Variants in SPATA13 observed in about 807,000 individuals in gnomAD.
The protein encoded by SPATA13 is spermatogenesis-associated protein 13.
Under a neutral mutation model 104.0 loss-of-function variants are expected in SPATA13, and 50 were observed. The observed-to-expected ratio is 0.48, with a 90% CI of 0.38 to 0.61. The LOEUF (loss-of-function observed/expected upper bound fraction) is 0.61, where lower values mean the gene tolerates loss of function less well. Among genes scored for constraint, SPATA13 ranks in the 20% least tolerant of loss-of-function variants. The pLI is 0.00. For synonymous variants in SPATA13, 606 were observed against 667.5 expected (o/e 0.91, Z 1.42); for missense variants, 1,524 against 1,690.6 (o/e 0.90, Z 1.73).
intron 2 of SPATA13, among the ~76,000 whole-genome samples, chr13:24,241,705 C>G (rs1872842770): frequency 6.6e-6 from 1 of 152,234 alleles, no homozygotes; most frequent in African/African-American, 2.4e-5. Context: ...TCCCTTGCAA[C>G]ACACACACCC....
At chr13:24,270,622 G>A (rs1874527594) in intron 4 of SPATA13, 2 of 835,752 alleles carry the variant, frequency 2.4e-6, no homozygotes, top group African/African-American at 1.7e-5. Context: ...ATTCTCTCCT[G>A]AAGTCCCCCG....
rs548231135 is a variant in SPATA13 at position 24,051,086 on chromosome 13, C to T, written c.-112+33385C>T. ...CTGTGGGAGCACCTCTTTCCTTCTC[C>T]GGATTTCCCCCACCTTTTATGAATG... On this transcript the variant is annotated intron_variant, in intron 3 of 14. Transcript: ENST00000424834. The surrounding 1 kb of genome is among the most constrained non-coding windows in gnomAD (Gnocchi z 4.2). Among the ~76,000 whole-genome samples, 2 of 152,286 alleles carry T rather than the reference C, an allele frequency of 1.3e-5. No homozygotes were observed. Among genetic ancestry groups the T allele is most frequent in the Admixed American group, 6.5e-5 (1 of 15,306 alleles).
chr13:24,262,491 G>A (rs997608999), intron 4 of SPATA13, among the ~76,000 whole-genome samples: 4 of 152,054 alleles, frequency 2.6e-5, no homozygotes, highest in African/African-American at 9.7e-5. Context: ...CAAAAGGGAG[G>A]TTACTCATAC....
chr13:24,108,411 T>C (rs1333416208), intron 3 of SPATA13, among the ~76,000 whole-genome samples: 1 of 152,148 alleles, frequency 6.6e-6, no homozygotes, highest in Admixed American at 6.5e-5. Flanking sequence ...CTGTTTATAT[T>C]TTACAATAAA....
rs763458774 is a variant in SPATA13 at position 24,223,240 on chromosome 13, C to G, written c.311C>G (p.Thr104Ser). 6.4e-7 allele frequency: 1 copy of G among 1,551,602 alleles called. No individual in the cohort carries two copies. The highest frequency in any genetic ancestry group is 8.7e-7 in the Non-Finnish European group (1 of 1,147,020). The change falls in exon 2 of 13, where the codon ACC becomes AGC. Residue 104 changes from threonine to serine, a missense_variant. Physicochemically the swap from Thr to Ser is moderately conservative, Grantham distance 58. Transcript: ENST00000382108. ...VLVGNSSTWN[T>S]LASFRKMGSF... ...GTGGGGAACTCCTCCACATGGAACA[C>G]CCTCGCCTCCTTCCGGAAAATGGGA...
chr13:24,122,004 C>A lies in SPATA13; in HGVS notation c.-111-100815C>A, dbSNP rs140199049. ...AGATAACATGAACCACTTCTGGAAC[C>A]ACTGCTAGGACGAACACAAGCTCTT... is the stretch of plus-strand genomic sequence containing the variant. On this transcript the variant is annotated intron_variant, in intron 3 of 14. Coordinates refer to the SPATA13 transcript ENST00000424834. 2,228 of 1,158,770 alleles carry A rather than the reference C, an allele frequency of 1.9e-3. 24 individuals are homozygous for A. In the African/African-American group the frequency reaches 0.03, roughly 15 times the overall value. The allele number at this position is 1,158,770 out of a possible 1,614,324, so 71.8% of individuals were successfully genotyped here.
chr13:24,119,166 C>T (rs1239201141), intron 3 of SPATA13, among the ~76,000 whole-genome samples: 1 of 152,076 alleles, frequency 6.6e-6, no homozygotes, highest in Admixed American at 6.5e-5. Context: ...CTCGGCCTCC[C>T]AAAGAGCTGG....
At chr13:24,135,704 A>AAG (rs1478081324) in intron 3 of SPATA13, among the ~76,000 whole-genome samples, 1 of 151,752 alleles carries the variant, frequency 6.6e-6, no homozygotes. Context: ...TCTCAAAAAA[A>AAG]AAAAAAAAAA....
intron 1 of SPATA13, among the ~76,000 whole-genome samples, chr13:24,211,718 A>T (rs1370423104): frequency 6.6e-6 from 1 of 151,880 alleles, no homozygotes; most frequent in East Asian, 1.9e-4. Context: ...GGATTATCTC[A>T]TCCGGTGGCA....
intron 4 of SPATA13, among the ~76,000 whole-genome samples, chr13:24,256,640 G>A (rs984711264): frequency 1.3e-5 from 2 of 151,786 alleles, no homozygotes; most frequent in African/African-American, 2.4e-5. Context: ...ACTTGGCAGC[G>A]CCGTGCTGTG....
At chr13:24,016,363 G>GT (rs1876713517) in intron 2 of SPATA13, among the ~76,000 whole-genome samples, 1 of 152,190 alleles carries the variant, frequency 6.6e-6, no homozygotes, top group South Asian at 2.1e-4. Flanking sequence ...GGATCCAGAT[G>GT]TGACATCTTC....
At position 24,223,322 on chromosome 13, in the gene SPATA13, A is replaced by G; in HGVS notation, c.393A>G (p.Ser131=). 1.3e-6 allele frequency: 2 copies of G among 1,551,488 alleles called. No homozygotes were observed. Among genetic ancestry groups the G allele is most frequent in the East Asian group, 4.9e-5 (2 of 40,894 alleles). ...VLKGIQSREG[S]NACSKGEASE... Reference sequence around the variant, plus strand: ...AAGGAATTCAGAGCCGAGAGGGGTCAAATGCCTGTTCAAAGGGAGAGGCTT... The same window carrying G: ...AAGGAATTCAGAGCCGAGAGGGGTCGAATGCCTGTTCAAAGGGAGAGGCTT... The change falls in exon 2 of 13, where the codon TCA becomes TCG. Residue 131 remains serine (S), a synonymous_variant. Coordinates refer to ENST00000382108, the MANE Select transcript of SPATA13 (RefSeq NM_001166271.3).
chr13:24,123,099 C>G (rs1313004522), intron 3 of SPATA13: 2 of 994,116 alleles, frequency 2.0e-6, no homozygotes, highest in Non-Finnish European at 3.3e-6. Context: ...ACTATATTCA[C>G]AGATCATTTT....
chr13:24,040,714 A>G (rs1877891065), intron 3 of SPATA13, among the ~76,000 whole-genome samples: 1 of 152,170 alleles, frequency 6.6e-6, no homozygotes. Flanking sequence ...AATTGTACCA[A>G]TTGAAAGGGG....
chr13:24,026,867 G>A lies in SPATA13; in HGVS notation c.-112+9166G>A, dbSNP rs902085787. 2.6e-5 allele frequency among the ~76,000 whole-genome samples: 4 copies of A among 152,166 alleles called. No homozygotes were observed. In the East Asian group the frequency reaches 7.7e-4, roughly 29 times the overall value. On this transcript the variant is annotated intron_variant, in intron 3 of 14. Transcript: ENST00000424834. ...GACCTTTGCCTCCGCCTCCCAAAGTGTTGGGATTACAGGCGTGAGCCACCA... is the reference window on the plus strand; with the variant it reads ...GACCTTTGCCTCCGCCTCCCAAAGTATTGGGATTACAGGCGTGAGCCACCA...
At chr13:24,138,116 A>G (rs1355545956) in intron 3 of SPATA13, among the ~76,000 whole-genome samples, 1 of 151,700 alleles carries the variant, frequency 6.6e-6, no homozygotes, top group Non-Finnish European at 1.5e-5. Context: ...CCTGGCCAAC[A>G]TGGTGAAACC....
chr13:23,990,313 A>G (rs899702235), intron 2 of SPATA13, among the ~76,000 whole-genome samples: 3 of 151,842 alleles, frequency 2.0e-5, no homozygotes, highest in African/African-American at 7.3e-5. Context: ...GATGGCCACC[A>G]CTCCCCCAGA....
At chr13:24,069,250 A>G (rs978153216) in intron 3 of SPATA13, among the ~76,000 whole-genome samples, 25 of 152,168 alleles carry the variant, frequency 1.6e-4, no homozygotes, top group African/African-American at 5.8e-4. Flanking sequence ...CTTCCCATCC[A>G]TGAGCATGGA....
intron 2 of SPATA13, among the ~76,000 whole-genome samples, chr13:24,244,269 A>G (rs1872999170): frequency 6.6e-6 from 1 of 152,150 alleles, no homozygotes; most frequent in African/African-American, 2.4e-5. Flanking sequence ...TTTTAACTTT[A>G]TTATATCTGC....
Sources: allele counts gnomAD v4.1 joint callset (sites outside exome capture counted in the v4.1 genomes callset), GRCh38; gene constraint gnomAD v4.1.1; non-coding constraint Gnocchi (gnomAD v3.1); transcripts MANE v1.5; gene names NCBI Gene and HGNC (gene_info 2026-07-23, HGNC 2026-07-21).